Variants in ROBO2 observed in about 807,000 individuals in gnomAD.
ROBO2 encodes roundabout homolog 2.
A neutral mutation model predicts 160.8 loss-of-function variants in ROBO2; 53 were observed. That is an observed-to-expected ratio of 0.33 (90% CI 0.26 to 0.41). The LOEUF is 0.41. Among genes scored for constraint, ROBO2 ranks in the 10% least tolerant of loss-of-function variants. The pLI, the probability that ROBO2 is intolerant of heterozygous loss-of-function variation, is 1.00. For missense variants in ROBO2, 1,577 were observed against 1,722.4 expected (o/e 0.92, Z 1.49); for synonymous variants, 664 against 611.7 (o/e 1.09, Z -1.26).
chr3:76,245,623 T>C (rs1201114201), intron 2 of ROBO2, among the ~76,000 whole-genome samples: 1 of 152,206 alleles, frequency 6.6e-6, no homozygotes, highest in Non-Finnish European at 1.5e-5. Flanking sequence ...CTTAATATTC[T>C]ATTTTGTATC....
At chr3:76,246,184 C>T (rs909881463) in intron 2 of ROBO2, among the ~76,000 whole-genome samples, 2 of 151,954 alleles carry the variant, frequency 1.3e-5, no homozygotes, top group Non-Finnish European at 2.9e-5. Context: ...TGTTTGACTC[C>T]TATTTCCTGC....
chr3:77,467,188 T>G (rs1249050179), intron 2 of ROBO2, among the ~76,000 whole-genome samples: 2 of 152,234 alleles, frequency 1.3e-5, no homozygotes, highest in Non-Finnish European at 2.9e-5. Context: ...TAATGAATCC[T>G]GAAATTTGGA....
At chr3:76,201,359 G>A (rs184681526) in intron 2 of ROBO2, among the ~76,000 whole-genome samples, 12 of 152,224 alleles carry the variant, frequency 7.9e-5, no homozygotes, top group African/African-American at 1.7e-4. Context: ...TCTTAGGACC[G>A]TCATGCATTG....
chr3:76,988,797 A>C (rs1404897503), intron 2 of ROBO2, among the ~76,000 whole-genome samples: 1 of 152,164 alleles, frequency 6.6e-6, no homozygotes, highest in Non-Finnish European at 1.5e-5. Context: ...GCTTCGAGAC[A>C]TTAAGATCAA....
In ROBO2 at chr3:76,655,886, A is replaced by G. The variant is rs184334583; in HGVS notation, c.110-442128A>G. On this transcript the variant is annotated intron_variant, in intron 2 of 26. Coordinates refer to the ROBO2 transcript ENST00000487694. ...ACAAAGTTCTTAAAAATAAAAATACATTTTTATTGTATGACATTATTACAT... is the reference window on the plus strand; with the variant it reads ...ACAAAGTTCTTAAAAATAAAAATACGTTTTTATTGTATGACATTATTACAT... Among the ~76,000 whole-genome samples the G allele has an allele frequency of 2.8e-4, 43 of 152,048 alleles. 1 individual carries two copies. In the East Asian group the frequency reaches 8.4e-3, roughly 30 times the overall value.
intron 2 of ROBO2, among the ~76,000 whole-genome samples, chr3:76,701,543 C>T (rs981410148): frequency 1.3e-5 from 2 of 151,892 alleles, no homozygotes; most frequent in African/African-American, 4.8e-5. Context: ...TCATTGAATC[C>T]AGCCTCTTCT....
At chr3:76,488,185 G>T (rs552383873) in intron 2 of ROBO2, among the ~76,000 whole-genome samples, 1 of 152,272 alleles carries the variant, frequency 6.6e-6, no homozygotes, top group East Asian at 1.9e-4. Context: ...GCAAATGTAT[G>T]ACCTCACAGA....
intron 2 of ROBO2, among the ~76,000 whole-genome samples, chr3:76,376,590 C>A (rs879912993): frequency 3.3e-5 from 5 of 152,016 alleles, no homozygotes; most frequent in African/African-American, 7.2e-5. Context: ...GAGCTCACTG[C>A]CCACAACAGA....
chr3:77,183,847 T>C (rs2081033532), intron 2 of ROBO2, among the ~76,000 whole-genome samples: 1 of 152,076 alleles, frequency 6.6e-6, no homozygotes, highest in African/African-American at 2.4e-5. Context: ...TGATTAACTT[T>C]CTTTTCATGT....
At position 76,223,402 on chromosome 3, in the gene ROBO2, C is replaced by T. The variant is rs533732783; in HGVS notation, c.109+285800C>T. Among the ~76,000 whole-genome samples the T allele has an allele frequency of 3.3e-5, 5 of 151,884 alleles. No homozygotes were observed. The South Asian group carries it at 8.3e-4, about 25-fold the overall frequency. On this transcript the variant is annotated intron_variant, in intron 2 of 26. Coordinates refer to the ROBO2 transcript ENST00000487694. ...GGAAGTAGGTAGGGGGGTAGGGAGG[C>T]CACTTTCACCCAGGGTGGGGAGGCT...
intron 2 of ROBO2, among the ~76,000 whole-genome samples, chr3:77,413,523 A>G (rs1433094839): frequency 6.6e-6 from 1 of 152,202 alleles, no homozygotes; most frequent in African/African-American, 2.4e-5. Context: ...AAGAATCAAC[A>G]TGATCTGACT....
intron 2 of ROBO2, among the ~76,000 whole-genome samples, chr3:76,001,406 A>G (rs593893): frequency 0.71 from 108,514 of 152,100 alleles, 41,544 homozygotes; most frequent in South Asian, 0.89. Context: ...AAGTTTCTCT[A>G]TAACTCAGTG....
intron 4 of ROBO2, among the ~76,000 whole-genome samples, chr3:77,481,852 T>C (rs190236913): frequency 5.9e-4 from 89 of 151,952 alleles, no homozygotes; most frequent in Non-Finnish European, 4.7e-4. Context: ...GTGGATAAAG[T>C]ATTGGAAAGG....
intron 2 of ROBO2, among the ~76,000 whole-genome samples, chr3:76,773,435 C>T (rs1036873447): frequency 3.4e-4 from 51 of 150,768 alleles, no homozygotes; most frequent in African/African-American, 1.1e-3. Flanking sequence ...ACAAGATTTC[C>T]ATATATACAT....
intron 2 of ROBO2, among the ~76,000 whole-genome samples, chr3:76,255,938 G>T (rs1706331033): frequency 6.6e-6 from 1 of 151,930 alleles, no homozygotes; most frequent in Non-Finnish European, 1.5e-5. Context: ...ACTGTAGTTA[G>T]CAAATATTTC....
intron 2 of ROBO2, among the ~76,000 whole-genome samples, chr3:77,171,179 G>A (rs1213785784): frequency 1.3e-5 from 2 of 152,154 alleles, no homozygotes; most frequent in African/African-American, 4.8e-5. Context: ...CCAGTGATGG[G>A]ACATTGCCTG....
At chr3:76,455,963 C>T (rs1455859005) in intron 2 of ROBO2, among the ~76,000 whole-genome samples, 1 of 152,228 alleles carries the variant, frequency 6.6e-6, no homozygotes, top group East Asian at 1.9e-4. Context: ...ATAATTTTTT[C>T]AGCTTGACTC....
At chr3:76,416,960 G>A (rs940993480) in intron 2 of ROBO2, among the ~76,000 whole-genome samples, 1 of 152,192 alleles carries the variant, frequency 6.6e-6, no homozygotes, top group Non-Finnish European at 1.5e-5. Flanking sequence ...CAAAGCCACT[G>A]AAGATAGCAT....
At chr3:76,399,013 C>T (rs544486439) in intron 2 of ROBO2, among the ~76,000 whole-genome samples, 45 of 151,820 alleles carry the variant, frequency 3.0e-4, no homozygotes, top group African/African-American at 1.1e-3. Flanking sequence ...TGGTTTTGAA[C>T]ATACAACTCT....
Sources: gnomAD v4.1 joint callset for allele counts (sites outside exome capture counted in the v4.1 genomes callset) on GRCh38, gnomAD v4.1.1 for gene constraint, MANE v1.5 for transcripts, NCBI Gene and HGNC (gene_info 2026-07-23, HGNC 2026-07-21) for gene names.